LIMCH1: variants seen among roughly 807,000 people sequenced by gnomAD.
LIMCH1 encodes LIM and calponin homology domains-containing protein 1.
Under a neutral mutation model 176.5 loss-of-function variants are expected in LIMCH1, and 113 were observed. That is an observed-to-expected ratio of 0.64 (90% CI 0.55 to 0.75). LIMCH1 has a LOEUF of 0.75. Among genes scored for constraint, LIMCH1 ranks in the 30% least tolerant of loss-of-function variants. The pLI is 0.00. For missense variants in LIMCH1, 1,674 were observed against 1,814.9 expected, an observed-to-expected ratio of 0.92 and a Z score of 1.41; for synonymous variants, 619 against 645.9, an observed-to-expected ratio of 0.96 and a Z score of 0.63.
intron 13 of LIMCH1, among the ~76,000 whole-genome samples, chr4:41,635,169 C>A (rs1026161407): frequency 2.0e-5 from 3 of 152,096 alleles, no homozygotes; most frequent in African/African-American, 7.2e-5. Context: ...AACCAGCATC[C>A]CTCTCCAGCA....
At chr4:41,534,521 G>A (rs112722153), upstream of LIMCH1, among the ~76,000 whole-genome samples, 642 of 152,224 alleles carry the variant, frequency 4.2e-3, 4 homozygotes, top group African/African-American at 0.015. Flanking sequence ...AAGAAAAGAT[G>A]CATTCTCTTT....
chr4:41,449,611 G>A (rs1039889872), intron 1 of LIMCH1, among the ~76,000 whole-genome samples: 2 of 151,990 alleles, frequency 1.3e-5, no homozygotes, highest in Non-Finnish European at 2.9e-5. Context: ...TCTTCCTAGG[G>A]ATAGATTCCT....
rs191436091 is a variant in LIMCH1 at position 41,579,595 on chromosome 4, A to C, written c.-240-19325A>C. On this transcript the variant is annotated intron_variant, in intron 1 of 31. Transcript: ENST00000503057. ...ATCATGTATATGTGTCTAAACATCAAACAAATCAAACTCTTTTGATGTCCT... is the reference window on the plus strand; with the variant it reads ...ATCATGTATATGTGTCTAAACATCACACAAATCAAACTCTTTTGATGTCCT... Among the ~76,000 whole-genome samples the C allele has an allele frequency of 3.3e-3, 506 of 152,356 alleles. 1 individual carries two copies. Among genetic ancestry groups the C allele is most frequent in the Non-Finnish European group, 5.7e-3 (391 of 68,024 alleles).
chr4:41,372,694 A>G (rs995220024), intron 1 of LIMCH1, among the ~76,000 whole-genome samples: 3 of 152,194 alleles, frequency 2.0e-5, no homozygotes, highest in Non-Finnish European at 2.9e-5. Flanking sequence ...TGGAGGAGGT[A>G]GTTGAATATT....
intron 2 of LIMCH1, among the ~76,000 whole-genome samples, chr4:41,602,952 T>G (rs570892574): frequency 1.6e-4 from 24 of 152,326 alleles, no homozygotes; most frequent in African/African-American, 5.8e-4. Context: ...TATGTCCTTG[T>G]TGATGGGTTT....
intron 2 of LIMCH1, among the ~76,000 whole-genome samples, chr4:41,503,762 G>T (rs535298023): frequency 6.6e-6 from 1 of 152,132 alleles, no homozygotes; most frequent in African/African-American, 2.4e-5. Context: ...CCGGAGAAAA[G>T]CCTCTCTCCT....
At chr4:41,509,862 T>C (rs1014153805) in intron 2 of LIMCH1, among the ~76,000 whole-genome samples, 1 of 152,214 alleles carries the variant, frequency 6.6e-6, no homozygotes, top group Non-Finnish European at 1.5e-5. Flanking sequence ...GTAGGGGTAC[T>C]GTCTCCATTC....
At chr4:41,443,192 C>CTTTTTTTTTTTTTTTTTTTTTTTT (rs916559501) in intron 1 of LIMCH1, among the ~76,000 whole-genome samples, 1 of 39,704 alleles carries the variant, frequency 2.5e-5, no homozygotes, top group African/African-American at 1.9e-4. Flanking sequence ...TGTTTTTTTT[C>CTTTTTTTTTTTTTTTTTTTTTTTT]TTTTTTTTTT....
chr4:41,576,617 C>T (rs181712691), intron 1 of LIMCH1, among the ~76,000 whole-genome samples: 2 of 152,176 alleles, frequency 1.3e-5, no homozygotes, highest in East Asian at 3.9e-4. Context: ...ATCATTCATC[C>T]AGGTTTGGCG....
rs1385647776 is a variant in LIMCH1, at chr4:41,697,410, G to A, written c.*225G>A. On this transcript the variant is annotated 3_prime_UTR_variant, in exon 32 of 32. Transcript: ENST00000503057. ...TTGCATTTGCACAGTATACACAAAA[G>A]AATATGGGGTTGTAATGATCCTGAA... 9.9e-5 allele frequency: 49 copies of A among 494,210 alleles called. No homozygotes were observed. The highest frequency in any genetic ancestry group is 1.8e-4 in the Admixed American group (5 of 27,096). The allele number at this position is 494,210 out of a possible 1,614,324, so 30.6% of individuals were successfully genotyped here.
chr4:41,543,040 A>G lies in LIMCH1; in HGVS notation c.-241+4690A>G, dbSNP rs147114509. Among the ~76,000 whole-genome samples the G allele has an allele frequency of 3.5e-3, 536 of 152,296 alleles. 6 individuals are homozygous for G. The highest frequency in any genetic ancestry group is 0.012 in the African/African-American group (505 of 41,560). On this transcript the variant is annotated intron_variant, in intron 1 of 31. Coordinates refer to ENST00000503057, the MANE Select transcript of LIMCH1 (RefSeq NM_001330672.2). ...TTCATCAGCATGTTTTTTGGTGACT[A>G]ATATGTTGATTTGATGAAAGCTAAT...
At chr4:41,645,404 A>G (rs984851458) in intron 15 of LIMCH1, among the ~76,000 whole-genome samples, 6 of 152,198 alleles carry the variant, frequency 3.9e-5, no homozygotes, top group Admixed American at 2.0e-4. Context: ...CCTTACGTCT[A>G]TTTTCACATT....
intron 2 of LIMCH1, among the ~76,000 whole-genome samples, chr4:41,515,131 G>C (rs972360465): frequency 6.6e-6 from 1 of 152,194 alleles, no homozygotes; most frequent in African/African-American, 2.4e-5. Context: ...TCCTCAGGAC[G>C]GCAAGTGAGG....
At chr4:41,678,743 T>A (rs1008802627) in intron 23 of LIMCH1, among the ~76,000 whole-genome samples, 4 of 152,002 alleles carry the variant, frequency 2.6e-5, no homozygotes, top group Middle Eastern at 6.8e-3. Flanking sequence ...TGTGTGTGTG[T>A]GTGAGTGAAA....
chr4:41,622,105 GCTCT>G (rs1389322852), intron 7 of LIMCH1, among the ~76,000 whole-genome samples: 9 of 152,012 alleles, frequency 5.9e-5, no homozygotes, highest in African/African-American at 2.2e-4. Context: ...GTTACAAACA[GCTCT>G]CTGAGTTTAT....
intron 8 of LIMCH1, among the ~76,000 whole-genome samples, chr4:41,628,186 A>G (rs996762548): frequency 1.3e-5 from 2 of 152,214 alleles, no homozygotes; most frequent in African/African-American, 4.8e-5. Context: ...CAAGTGAAAC[A>G]AAGACTTTTG....
intron 1 of LIMCH1, among the ~76,000 whole-genome samples, chr4:41,447,678 A>G (rs1020228639): frequency 6.6e-6 from 1 of 152,226 alleles, no homozygotes; most frequent in African/African-American, 2.4e-5. Context: ...AGACGAGAAT[A>G]TCGAGACAAA....
intron 29 of LIMCH1, 59 bp downstream of exon 29, chr4:41,687,976 CA>C: frequency 7.3e-7 from 1 of 1,374,442 alleles, no homozygotes; most frequent in South Asian, 1.2e-5. Flanking sequence ...GCTTGCCAAG[CA>C]TCATTTCAAC....
intron 1 of LIMCH1, among the ~76,000 whole-genome samples, chr4:41,460,455 C>CATATATAT (rs1302547339): frequency 0.016 from 1,505 of 92,148 alleles, 103 homozygotes; most frequent in African/African-American, 0.081. Flanking sequence ...CTATAGTAAT[C>CATATATAT]ATCTATATAT....
Sources: allele counts gnomAD v4.1 joint callset (sites outside exome capture counted in the v4.1 genomes callset), GRCh38; gene constraint gnomAD v4.1.1; transcripts MANE v1.5; gene names NCBI Gene and HGNC (gene_info 2026-07-23, HGNC 2026-07-21).